Variants in THADA observed in about 807,000 individuals in gnomAD.
THADA encodes THADA armadillo repeat containing.
Under a neutral mutation model 219.8 loss-of-function variants are expected in THADA, and 213 were observed. That is an observed-to-expected ratio of 0.97 (90% confidence interval 0.87 to 1.09). THADA has a LOEUF of 1.09. THADA is among the 50% of genes least tolerant of loss of function. The pLI, the probability that THADA is intolerant of heterozygous loss-of-function variation, is 0.00. For synonymous variants in THADA, 1,018 were observed against 828.9 expected, an observed-to-expected ratio of 1.23 and a Z score of -3.92; for missense variants, 2,956 against 2,311.3, an observed-to-expected ratio of 1.28 and a Z score of -5.72.
intron 31 of THADA, among the ~76,000 whole-genome samples, chr2:43,313,742 C>A (rs1004176320): frequency 5.3e-5 from 8 of 152,178 alleles, no homozygotes; most frequent in Admixed American, 1.3e-4. Flanking sequence ...TCTCTGTGGC[C>A]TGGGCATTCT....
At chr2:43,510,018 G>C (rs1045907678) in intron 22 of THADA, among the ~76,000 whole-genome samples, 3 of 152,158 alleles carry the variant, frequency 2.0e-5, no homozygotes, top group Non-Finnish European at 2.9e-5. Flanking sequence ...AATGTAGTGT[G>C]TGAACCTTGC....
In THADA at chr2:43,448,716, C is replaced by CA. The variant is rs754632932; in HGVS notation, c.3837-18415dup. Among the ~76,000 whole-genome samples the CA allele has an allele frequency of 2.6e-3, 395 of 151,930 alleles. 2 individuals are homozygous for CA. The highest frequency in any genetic ancestry group is 4.6e-3 in the Non-Finnish European group (313 of 67,928). On this transcript the variant is annotated intron_variant, in intron 26 of 37. Transcript: ENST00000405975. ...ACACACCCAATGAAAGGTGCAGGCT[C>CA]AAAAAAGACCTGAGAAAAACTTAAG...
chr2:43,499,561 G>A (rs1190707181), intron 24 of THADA, among the ~76,000 whole-genome samples: 1 of 152,032 alleles, frequency 6.6e-6, no homozygotes, highest in Admixed American at 6.6e-5. Context: ...ATAATTAGTA[G>A]AGACAGGGTT....
intron 22 of THADA, among the ~76,000 whole-genome samples, chr2:43,516,106 C>A (rs1163069931): frequency 6.6e-6 from 1 of 152,172 alleles, no homozygotes; most frequent in Non-Finnish European, 1.5e-5. Flanking sequence ...AGATTCAGAT[C>A]ACGTTTTACT....
chr2:43,528,126 CTTTTTTT>C lies in THADA; in HGVS notation c.3265-145_3265-139del, dbSNP rs367822642. On this transcript the variant is annotated intron_variant, in intron 21 of 37. Coordinates refer to ENST00000405975, the MANE Select transcript of THADA (RefSeq NM_022065.5). ...ACCATATGACAGAACATGTTTTAAG[CTTTTTTT>C]TTTTTTTTTTTTTTTGAGATGGATT... The C allele has an allele frequency of 2.3e-3, 377 of 162,940 alleles. 6 individuals carry two copies. The East Asian group carries it at 0.051, about 22-fold the overall frequency. 10.1% of individuals were successfully genotyped at this position (162,940 alleles called of 1,614,324 possible). A position where few individuals can be genotyped will look rare whatever the true frequency, so the allele number is the denominator to read the frequency against.
At chr2:43,508,181 C>T (rs1431594917) in intron 23 of THADA, among the ~76,000 whole-genome samples, 1 of 151,908 alleles carries the variant, frequency 6.6e-6, no homozygotes, top group Non-Finnish European at 1.5e-5. Context: ...TAATAAATGT[C>T]AGCTACTATT....
intron 15 of THADA, 192 bp downstream of exon 15, chr2:43,566,506 A>T: frequency 1.3e-6 from 1 of 743,864 alleles, no homozygotes; most frequent in Non-Finnish European, 2.4e-6. Context: ...ATGATCAATG[A>T]AAAGGGAGAT....
intron 16 of THADA, among the ~76,000 whole-genome samples, chr2:43,557,738 A>G (rs1181069686): frequency 6.6e-6 from 1 of 152,224 alleles, no homozygotes; most frequent in African/African-American, 2.4e-5. Flanking sequence ...TTGGCTGCTC[A>G]ATAATATTCT....
intron 29 of THADA, among the ~76,000 whole-genome samples, chr2:43,353,586 A>T (rs1668532006): frequency 6.6e-6 from 1 of 152,210 alleles, no homozygotes; most frequent in Non-Finnish European, 1.5e-5. Flanking sequence ...AATCTTAGAT[A>T]ATAACCCCTT....
chr2:43,518,020 C>T (rs1220623004), intron 22 of THADA, among the ~76,000 whole-genome samples: 1 of 152,144 alleles, frequency 6.6e-6, no homozygotes, highest in Non-Finnish European at 1.5e-5. Context: ...TTACTTTAGT[C>T]TAGTAGGAAA....
At chr2:43,557,259 C>T (rs1455484195) in intron 16 of THADA, among the ~76,000 whole-genome samples, 1 of 152,136 alleles carries the variant, frequency 6.6e-6, no homozygotes, top group Non-Finnish European at 1.5e-5. Flanking sequence ...ACTGATAAAA[C>T]CTTTTTTTAA....
chr2:43,403,895 TG>T (rs1398182193), intron 28 of THADA, among the ~76,000 whole-genome samples: 1 of 152,264 alleles, frequency 6.6e-6, no homozygotes, highest in African/African-American at 2.4e-5. Context: ...ATGGTCTGTT[TG>T]TCCTACAGCA....
intron 26 of THADA, among the ~76,000 whole-genome samples, chr2:43,482,149 C>T (rs578032171): frequency 3.5e-4 from 53 of 152,106 alleles, no homozygotes; most frequent in East Asian, 1.2e-3. Context: ...AAGTCAGTCA[C>T]GCAGCAATAA....
intron 1 of THADA, among the ~76,000 whole-genome samples, chr2:43,593,682 G>A (rs1701828677): frequency 7.1e-6 from 1 of 140,026 alleles, no homozygotes; most frequent in Non-Finnish European, 1.5e-5. Flanking sequence ...CGCCCATGCT[G>A]GAGTGCAGTG....
intron 30 of THADA, among the ~76,000 whole-genome samples, chr2:43,328,658 G>A (rs561036541): frequency 6.6e-6 from 1 of 152,350 alleles, no homozygotes; most frequent in South Asian, 2.1e-4. Flanking sequence ...CCCTGGAAGA[G>A]CAGGTTTGGA....
At chr2:43,592,440 C>G (rs756803232) in intron 1 of THADA, 24 bp from the exon 2 acceptor site, 8 of 1,372,246 alleles carry the variant, frequency 5.8e-6, no homozygotes, top group Middle Eastern at 3.6e-4. Flanking sequence ...GACTTTAAGG[C>G]ATTAATGTAA....
At chr2:43,375,976 C>T (rs949089085) in intron 29 of THADA, among the ~76,000 whole-genome samples, 3 of 152,160 alleles carry the variant, frequency 2.0e-5, no homozygotes, top group Non-Finnish European at 4.4e-5. Flanking sequence ...CACCCACCTG[C>T]AAGCTGTTTC....
At chr2:43,367,481 T>G (rs1670297533) in intron 29 of THADA, among the ~76,000 whole-genome samples, 2 of 152,220 alleles carry the variant, frequency 1.3e-5, no homozygotes, top group Non-Finnish European at 2.9e-5. Flanking sequence ...GCCTTGTGGG[T>G]GAACTACACG....
intron 26 of THADA, among the ~76,000 whole-genome samples, chr2:43,453,053 G>C (rs762571459): frequency 6.6e-6 from 1 of 152,072 alleles, no homozygotes; most frequent in South Asian, 2.1e-4. Flanking sequence ...TGAACACTCA[G>C]GCTGAGACTT....
Sources: allele counts gnomAD v4.1 joint callset (sites outside exome capture counted in the v4.1 genomes callset), GRCh38; gene constraint gnomAD v4.1.1; transcripts MANE v1.5; gene names NCBI Gene and HGNC (gene_info 2026-07-23, HGNC 2026-07-21).